MEGF6: variants seen among roughly 807,000 people sequenced by gnomAD.
The protein encoded by MEGF6 is multiple epidermal growth factor-like domains protein 6.
A neutral mutation model predicts 207.1 loss-of-function variants in MEGF6; 184 were observed. That is an observed-to-expected ratio of 0.89 (90% CI 0.79 to 1.00). The LOEUF (loss-of-function observed/expected upper bound fraction) is 1.00. MEGF6 is among the 50% of genes least tolerant of loss of function. The pLI, the probability that MEGF6 is intolerant of heterozygous loss-of-function variation, is 0.00. For missense variants in MEGF6, 2,282 were observed against 2,202.9 expected, an observed-to-expected ratio of 1.04 and a Z score of -0.72; for synonymous variants, 1,038 against 910.0, an observed-to-expected ratio of 1.14 and a Z score of -2.53.
intron 3 of MEGF6, among the ~76,000 whole-genome samples, chr1:3,590,303 A>G (rs1643955258): frequency 6.6e-6 from 1 of 152,148 alleles, no homozygotes; most frequent in East Asian, 1.9e-4. Flanking sequence ...AGGACCAGGG[A>G]GACTCCGGCT....
rs975049242 is a variant in MEGF6, at chr1:3,531,216, G to T, written c.482-6970C>A. 3.4e-6 allele frequency: 5 copies of T among 1,491,994 alleles called. No homozygotes were observed. In the African/African-American group the frequency reaches 7.3e-5, roughly 22 times the overall value. The allele number at this position is 1,491,994 out of a possible 1,614,324, so 92.4% of individuals were successfully genotyped here. A position where few individuals can be genotyped will look rare whatever the true frequency, so the allele number is the denominator to read the frequency against. On this transcript the variant is annotated intron_variant, in intron 4 of 36. Transcript: ENST00000356575. Reference sequence around the variant, plus strand: ...CCAGGAGCCCAAGGCACCAGAGCGCGGCCAGCCCGCGGTCCCGGGACGCCC... The same window carrying T: ...CCAGGAGCCCAAGGCACCAGAGCGCTGCCAGCCCGCGGTCCCGGGACGCCC...
chr1:3,499,912 C>T lies in MEGF6; in HGVS notation c.2720G>A (p.Gly907Asp), dbSNP rs1267629141. 6.4e-7 allele frequency: 1 copy of T among 1,562,598 alleles called. No homozygotes were observed. The highest frequency in any genetic ancestry group is 1.9e-5 in the Admixed American group (1 of 53,652). ...CTGCTCACAGCCGGGCCCAAAGTGG[C>T]CCTGGGGACACTCTGAGATATGCAG... The part of the protein sequence containing the change: ...GPRCEQQCPQ[G>D]HFGPGCEQRC... The change falls in exon 22 of 37, where the codon GGC (glycine) becomes GAC (aspartate). Residue 907 changes from glycine (G) to aspartate (D), a missense_variant. Transcript: ENST00000356575.
At chr1:3,575,085 A>G (rs1301684742) in intron 4 of MEGF6, among the ~76,000 whole-genome samples, 1 of 152,238 alleles carries the variant, frequency 6.6e-6, no homozygotes, top group Non-Finnish European at 1.5e-5. Context: ...ACTACAAAAG[A>G]CAAATCTATT....
Position 3,498,391 on chromosome 1 carries a change from G to T in MEGF6, c.3332C>A (p.Thr1111Asn). The change falls in exon 26 of 37, where the codon ACT (threonine) becomes AAT (asparagine). Residue 1111 changes from threonine (T) to asparagine (N), a missense_variant. Thr to Asn is a moderately conservative substitution (Grantham distance 65). Transcript: ENST00000356575. Reference sequence around the variant, plus strand: ...CTCACGGCTCTGACACTTGTCCCCAGTCCAGCCGGCTGGGCAGAGGCAGCG... The same window carrying T: ...CTCACGGCTCTGACACTTGTCCCCATTCCAGCCGGCTGGGCAGAGGCAGCG... ...TGRCLCPAGW[T>N]GDKCQSPCLR... is the part of the protein sequence containing the mutation. The T allele has an allele frequency of 1.2e-6, 2 of 1,601,750 alleles. No individual in the cohort carries two copies. The highest frequency in any genetic ancestry group is 4.5e-5 in the East Asian group (2 of 44,682).
At chr1:3,502,363 G>C (rs1009330439) in intron 17 of MEGF6, among the ~76,000 whole-genome samples, 2 of 152,174 alleles carry the variant, frequency 1.3e-5, no homozygotes, top group Non-Finnish European at 2.9e-5. Flanking sequence ...CAGAGGACCT[G>C]TCCTGGTCAG....
chr1:3,496,590 G>A, intron 29 of MEGF6, 65 bp downstream of exon 29: 1 of 1,546,448 alleles, frequency 6.5e-7, no homozygotes, highest in African/African-American at 1.4e-5. Flanking sequence ...CCTCCTGCAG[G>A]CTGGCTGGCC....
At chr1:3,580,215 G>A (rs1161520407) in intron 3 of MEGF6, among the ~76,000 whole-genome samples, 1 of 144,700 alleles carries the variant, frequency 6.9e-6, no homozygotes, top group Non-Finnish European at 1.5e-5. Context: ...ATTTCCTGGG[G>A]AAGGTGGGCA....
At position 3,510,806 on chromosome 1, in the gene MEGF6, C is replaced by T; in HGVS notation, c.1211G>A (p.Ser404Asn). The T allele has an allele frequency of 6.2e-7, 1 of 1,608,710 alleles. No individual in the cohort carries two copies. Among genetic ancestry groups the T allele is most frequent in the Non-Finnish European group, 8.5e-7 (1 of 1,177,052 alleles). Reference protein sequence around the residue: ...ECGCYAGYRLSADGCGCEDVD... With the variant: ...ECGCYAGYRLNADGCGCEDVD... ...ACCCTCACAGCCGCAGCCATCGGCACTGAGCCGGTAGCCGGCGTAGCAGCC... is the reference window on the plus strand; with the variant it reads ...ACCCTCACAGCCGCAGCCATCGGCATTGAGCCGGTAGCCGGCGTAGCAGCC... Residue 404 changes from serine (S) to asparagine (N), a missense_variant, in exon 10 of 37, where the codon AGT becomes AAT. Transcript: ENST00000356575.
intron 15 of MEGF6, 32 bp from the exon 16 acceptor site, chr1:3,505,588 C>T (rs759679660): frequency 4.8e-5 from 73 of 1,518,842 alleles, no homozygotes; most frequent in East Asian, 1.5e-4. Flanking sequence ...GGGGGGCTCC[C>T]GTCTGAAGCC....
At chr1:3,513,946 C>T (rs927598937) in intron 7 of MEGF6, among the ~76,000 whole-genome samples, 9 of 151,270 alleles carry the variant, frequency 5.9e-5, no homozygotes, top group African/African-American at 2.2e-4. Context: ...GCAGGCACTA[C>T]TTAGGAAATA....
chr1:3,572,701 G>A (rs1643539543), intron 4 of MEGF6, among the ~76,000 whole-genome samples: 1 of 143,790 alleles, frequency 7.0e-6, no homozygotes, highest in Admixed American at 6.9e-5. Flanking sequence ...TCCTGAGTGT[G>A]TTAGGTTCTC....
intron 17 of MEGF6, among the ~76,000 whole-genome samples, chr1:3,504,265 G>A (rs796149921): frequency 9.8e-5 from 15 of 152,304 alleles, no homozygotes; most frequent in African/African-American, 1.4e-4. Flanking sequence ...GACAGCGTGC[G>A]CCATGCCAAG....
chr1:3,593,395 C>T (rs1369623572), intron 3 of MEGF6, among the ~76,000 whole-genome samples: 2 of 152,088 alleles, frequency 1.3e-5, no homozygotes, highest in Non-Finnish European at 2.9e-5. Flanking sequence ...GCGCACACCT[C>T]TACCTGCAGT....
At chr1:3,575,903 T>C (rs1238762641) in intron 4 of MEGF6, among the ~76,000 whole-genome samples, 1 of 152,222 alleles carries the variant, frequency 6.6e-6, no homozygotes, top group Non-Finnish European at 1.5e-5. Context: ...GTCCCTGCCA[T>C]GACCCCCACT....
At position 3,509,887 on chromosome 1, in the gene MEGF6, T is replaced by C; in HGVS notation, c.1340A>G (p.Asp447Gly). The change falls in exon 11 of 37, where the codon GAC becomes GGC. Residue 447 changes from aspartate to glycine, a missense_variant. Transcript: ENST00000356575. ...AGACTCACGGCTGCAGCCCCTACGGTCCTCGTGCAGCCGGTAGCCGGCCTC... is the reference window on the plus strand; with the variant it reads ...AGACTCACGGCTGCAGCCCCTACGGCCCTCGTGCAGCCGGTAGCCGGCCTC... ...SCEAGYRLHE[D>G]RRGCSPLEEP... 1.3e-6 allele frequency: 2 copies of C among 1,559,922 alleles called. No individual in the cohort carries two copies. Among genetic ancestry groups the C allele is most frequent in the Non-Finnish European group, 1.7e-6 (2 of 1,154,782 alleles).
intron 3 of MEGF6, among the ~76,000 whole-genome samples, chr1:3,589,983 G>A (rs1643949735): frequency 6.6e-6 from 1 of 152,234 alleles, no homozygotes; most frequent in Admixed American, 6.5e-5. Flanking sequence ...CTGGACCACA[G>A]AATCCCTTCC....
intron 3 of MEGF6, among the ~76,000 whole-genome samples, chr1:3,581,208 G>A (rs1643789429): frequency 1.3e-5 from 2 of 152,158 alleles, no homozygotes; most frequent in African/African-American, 4.8e-5. Context: ...GGGGTCAGGA[G>A]GACCCGGCCT....
Position 3,496,790 on chromosome 1 carries a change from G to A in MEGF6, c.3614-7C>T, listed in dbSNP as rs1640623786. On this transcript the variant is annotated splice_region_variant and splice_polypyrimidine_tract_variant and intron_variant, in intron 28 of 36. Transcript: ENST00000356575. ...TACCGCCCGGGCGGACATCCTGCAG[G>A]GAGAGGGGCTAGCTGCAGGGGCTGG... is the stretch of plus-strand genomic sequence containing the variant. The A allele has an allele frequency of 6.4e-7, 1 of 1,554,044 alleles. No homozygotes were observed. Among genetic ancestry groups the A allele is most frequent in the Non-Finnish European group, 8.7e-7 (1 of 1,149,076 alleles).
intron 30 of MEGF6, among the ~76,000 whole-genome samples, chr1:3,495,381 T>A (rs1187024427): frequency 6.6e-6 from 1 of 152,126 alleles, no homozygotes; most frequent in Admixed American, 6.5e-5. Context: ...TGTGGCTGTG[T>A]TCATGAGCAC....
Sources: gnomAD v4.1 joint callset for allele counts (sites outside exome capture counted in the v4.1 genomes callset) on GRCh38, gnomAD v4.1.1 for gene constraint, MANE v1.5 for transcripts, NCBI Gene and HGNC (gene_info 2026-07-23, HGNC 2026-07-21) for gene names.